PDE1A: variants seen among roughly 807,000 people sequenced by gnomAD.
The protein encoded by PDE1A is phosphodiesterase 1A.
Under a neutral mutation model 61.7 loss-of-function variants are expected in PDE1A, and 35 were observed. That is an observed-to-expected ratio of 0.57 (90% CI 0.43 to 0.75). PDE1A has a LOEUF of 0.75. PDE1A is among the 30% of genes least tolerant of loss of function. The pLI is 0.00. For synonymous variants in PDE1A, 232 were observed against 213.2 expected (o/e 1.09, Z -0.77); for missense variants, 597 against 630.6 (o/e 0.95, Z 0.57).
chr2:182,623,719 T>A, the PDE1A span, among the ~76,000 whole-genome samples: 1 of 152,220 alleles, frequency 6.6e-6, no homozygotes, highest in Non-Finnish European at 1.5e-5. Context: ...TTGACTTCAT[T>A]TCTGCCCATA....
In PDE1A at chr2:182,455,286, G is replaced by A. The variant is rs539143789; in HGVS notation, c.101+66990C>T. Among the ~76,000 whole-genome samples the A allele has an allele frequency of 2.6e-5, 4 of 152,268 alleles. No homozygotes were observed. In the East Asian group the frequency reaches 7.7e-4, roughly 29 times the overall value. On this transcript the variant is annotated intron_variant, in intron 2 of 14. Coordinates refer to the PDE1A transcript ENST00000410103. Reference sequence around the variant, plus strand: ...GTGCTGGAGTGGATGTGGAGAAATAGGAACACTTTTACACTGTTGGTGGGA... The same window carrying A: ...GTGCTGGAGTGGATGTGGAGAAATAAGAACACTTTTACACTGTTGGTGGGA...
At chr2:182,610,080 T>C in the PDE1A span, among the ~76,000 whole-genome samples, 1 of 135,716 alleles carries the variant, frequency 7.4e-6, no homozygotes, top group Non-Finnish European at 1.6e-5. Flanking sequence ...AGAGTGAGAC[T>C]CTATCTCAAA....
At chr2:182,557,095 G>C in the PDE1A span, among the ~76,000 whole-genome samples, 103 of 152,184 alleles carry the variant, frequency 6.8e-4, no homozygotes, top group South Asian at 2.5e-3. Flanking sequence ...AGGAGTTCAA[G>C]ACCAGCCTGG....
At chr2:182,697,953 C>A in the PDE1A span, among the ~76,000 whole-genome samples, 1 of 152,168 alleles carries the variant, frequency 6.6e-6, no homozygotes, top group Non-Finnish European at 1.5e-5. Context: ...AAATAACAAT[C>A]ACTGCACCTG....
At chr2:182,453,812 T>C (rs1415126828) in intron 2 of PDE1A, among the ~76,000 whole-genome samples, 4 of 152,138 alleles carry the variant, frequency 2.6e-5, no homozygotes, top group Non-Finnish European at 4.4e-5. Context: ...GCCAATATCA[T>C]ACTGAATGGG....
the PDE1A span, among the ~76,000 whole-genome samples, chr2:182,618,519 A>G: frequency 6.6e-6 from 1 of 151,104 alleles, no homozygotes; most frequent in African/African-American, 2.4e-5. Context: ...AAGAACAATA[A>G]GGCTGAAGAA....
the PDE1A span, among the ~76,000 whole-genome samples, chr2:182,616,535 A>C: frequency 6.6e-6 from 1 of 152,208 alleles, no homozygotes; most frequent in East Asian, 1.9e-4. Context: ...ACTCCAATAG[A>C]AAATCATTTT....
chr2:182,648,511 CAAAA>C, the PDE1A span, among the ~76,000 whole-genome samples: 122 of 76,212 alleles, frequency 1.6e-3, 2 homozygotes, highest in African/African-American at 6.7e-3. Context: ...CCTGTCCCCA[CAAAA>C]AAAAAAAAAA....
At chr2:182,186,921 CCT>C (rs1685256173) in intron 11 of PDE1A, among the ~76,000 whole-genome samples, 1 of 152,124 alleles carries the variant, frequency 6.6e-6, no homozygotes. Context: ...ACTATAGTTT[CCT>C]CTCTCAACAC....
At chr2:182,309,660 C>T (rs1695834470) in intron 1 of PDE1A, among the ~76,000 whole-genome samples, 1 of 151,910 alleles carries the variant, frequency 6.6e-6, no homozygotes, top group Non-Finnish European at 1.5e-5. Flanking sequence ...ATCACATGTG[C>T]AATTGTTTGA....
rs11420821 is a variant in PDE1A, at chr2:182,295,057, C to CTTTTTTTTT, written c.54-30652_54-30644dup. ...ACGACCAATCAAAATAAAAGGTAAT[C>CTTTTTTTTT]TTTTTTTTTTTTTTTTTTTTTTTTT... On this transcript the variant is annotated intron_variant, in intron 1 of 13. Coordinates refer to ENST00000351439, the Ensembl canonical transcript of PDE1A. Among the ~76,000 whole-genome samples the CTTTTTTTTT allele has an allele frequency of 2.5e-3, 151 of 59,370 alleles. 40 individuals are homozygous for CTTTTTTTTT. Among genetic ancestry groups the CTTTTTTTTT allele is most frequent in the African/African-American group, 3.6e-3 (55 of 15,486 alleles). The allele number at this position is 59,370 out of a possible 152,430, so 38.9% of individuals were successfully genotyped here. A position where few individuals can be genotyped will look rare whatever the true frequency, so the allele number is the denominator to read the frequency against.
At chr2:182,431,117 A>G (rs1703924020), upstream of PDE1A, among the ~76,000 whole-genome samples, 3 of 107,552 alleles carry the variant, frequency 2.8e-5, no homozygotes, top group Admixed American at 1.1e-4. Context: ...AAAAAAAAAA[A>G]CATTAAAAAA....
chr2:182,217,884 G>T (rs1313600245), intron 7 of PDE1A, among the ~76,000 whole-genome samples: 1 of 151,908 alleles, frequency 6.6e-6, no homozygotes, highest in African/African-American at 2.4e-5. Flanking sequence ...ATCTAGAACT[G>T]GAAATACCAT....
intron 2 of PDE1A, among the ~76,000 whole-genome samples, chr2:182,470,535 G>A (rs949560784): frequency 6.6e-6 from 1 of 151,784 alleles, no homozygotes; most frequent in African/African-American, 2.4e-5. Context: ...GAGAGAAATA[G>A]GAAATTTCAA....
At chr2:182,446,115 T>C (rs1177520873) in intron 2 of PDE1A, among the ~76,000 whole-genome samples, 1 of 152,114 alleles carries the variant, frequency 6.6e-6, no homozygotes, top group Non-Finnish European at 1.5e-5. Flanking sequence ...CTTTCATCAT[T>C]ATATTAAGAT....
At chr2:182,413,949 A>ATAAATCTC (rs1702768507) in intron 1 of PDE1A, among the ~76,000 whole-genome samples, 3 of 152,182 alleles carry the variant, frequency 2.0e-5, no homozygotes, top group African/African-American at 7.2e-5. Context: ...TACATGCATT[A>ATAAATCTC]TAAATCTCTT....
intron 2 of PDE1A, among the ~76,000 whole-genome samples, chr2:182,471,400 A>C (rs1480850213): frequency 1.3e-5 from 2 of 151,782 alleles, no homozygotes; most frequent in Non-Finnish European, 2.9e-5. Flanking sequence ...TGATGTTCTC[A>C]CAAGAAGCCC....
At chr2:182,390,193 C>A (rs984613283) in intron 1 of PDE1A, among the ~76,000 whole-genome samples, 1 of 151,898 alleles carries the variant, frequency 6.6e-6, no homozygotes, top group African/African-American at 2.4e-5. Flanking sequence ...GATTTTGGTA[C>A]CAGGAGTGGT....
intron 5 of PDE1A, among the ~76,000 whole-genome samples, chr2:182,230,558 A>G (rs1689498155): frequency 6.6e-6 from 1 of 152,192 alleles, no homozygotes; most frequent in Non-Finnish European, 1.5e-5. Context: ...TCTACAGGAA[A>G]TGATGAAAGT....
Sources: allele counts gnomAD v4.1 joint callset (sites outside exome capture counted in the v4.1 genomes callset), GRCh38; gene constraint gnomAD v4.1.1; transcripts MANE v1.5; gene names NCBI Gene and HGNC (gene_info 2026-07-23, HGNC 2026-07-21).